The following NAAA variants were observed in gnomAD, a reference collection of about 807,000 sequenced individuals.
NAAA encodes N-acylethanolamine-hydrolyzing acid amidase.
NAAA carries 39 observed loss-of-function variants against 44.8 expected under a neutral mutation model. The observed-to-expected ratio is 0.87, with a 90% CI of 0.67 to 1.14. NAAA has a LOEUF of 1.14. Ranked by LOEUF, NAAA falls within the 50% of genes most tolerant of loss-of-function variation. NAAA has a pLI of 0.00. For synonymous variants in NAAA, 178 were observed against 191.3 expected (o/e 0.93, Z 0.58); for missense variants, 460 against 467.8 (o/e 0.98, Z 0.15).
At chr4:75,940,210 G>A (rs1394732139) in intron 1 of NAAA, 45 bp from the exon 2 acceptor site, 1 of 1,587,376 alleles carries the variant, frequency 6.3e-7, no homozygotes, top group African/African-American at 1.3e-5. Flanking sequence ...TCAGAGGTCG[G>A]CGGCGTGCGA....
rs1212795310 is a variant in NAAA, at chr4:75,940,955, GGGCTCCAGC to G, written c.-15_-7del. The G allele has an allele frequency of 2.7e-6, 4 of 1,471,250 alleles. No individual in the cohort carries two copies. The Admixed American group carries it at 9.6e-5, about 35-fold the overall frequency. 91.1% of individuals were successfully genotyped at this position (1,471,250 alleles called of 1,614,324 possible). A position where few individuals can be genotyped will look rare whatever the true frequency, so the allele number is the denominator to read the frequency against. On this transcript the variant is annotated 5_prime_UTR_variant, in exon 1 of 11. Transcript: ENST00000286733. The stretch of plus-strand genomic sequence containing the variant: ...TCCCGGTCCGCGGTCCGCATGGCTC[GGGCTCCAGC>G]GGCCGCAACTTGGAGACCTGCAGCC...
intron 3 of NAAA, 66 bp downstream of exon 3, chr4:75,936,043 C>T: frequency 6.3e-7 from 1 of 1,586,554 alleles, no homozygotes; most frequent in Admixed American, 1.7e-5. Context: ...GCAGGCCATC[C>T]AAATGACTGC....
Position 75,940,366 on chromosome 4 carries a change from G to A in NAAA, c.207-201C>T, listed in dbSNP as rs1578096823. The A allele has an allele frequency of 8.4e-6, 5 of 595,220 alleles. No individual in the cohort carries two copies. In the East Asian group the frequency reaches 1.1e-4, roughly 14 times the overall value. 36.9% of individuals were successfully genotyped at this position (595,220 alleles called of 1,614,324 possible). On this transcript the variant is annotated intron_variant, in intron 1 of 10. Transcript: ENST00000286733. ...GGGAAGGGGGCGGGGGGAAGGCGGC[G>A]GGTAAGAAAACTCCGAATGGGGAGG... is the stretch of plus-strand genomic sequence containing the variant.
In NAAA at chr4:75,920,985, C is replaced by T; in HGVS notation, c.805G>A (p.Ala269Thr). 6.2e-7 allele frequency: 1 copy of T among 1,613,178 alleles called. No individual in the cohort carries two copies. Among genetic ancestry groups the T allele is most frequent in the Non-Finnish European group, 8.5e-7 (1 of 1,179,826 alleles). Residue 269 changes from alanine (A) to threonine (T), a missense_variant, in exon 6 of 11, where the codon GCA becomes ACA. Physicochemically the swap from Ala to Thr is moderately conservative, Grantham distance 58. Coordinates refer to ENST00000286733, the MANE Select transcript of NAAA (RefSeq NM_014435.4). The part of the protein sequence containing the change: ...VVITRNRDGP[A>T]DIWPLDPLNG... ...AAAGGATCTAGAGGCCAAATGTCTGCTGGGCCATCTCTGTTCCTCGTGATG... is the reference window on the plus strand; with the variant it reads ...AAAGGATCTAGAGGCCAAATGTCTGTTGGGCCATCTCTGTTCCTCGTGATG...
chr4:75,919,890 A>C lies in NAAA; in HGVS notation c.969+19T>G, dbSNP rs1205397540. 6.2e-7 allele frequency: 1 copy of C among 1,601,474 alleles called. No homozygotes were observed. Among genetic ancestry groups the C allele is most frequent in the East Asian group, 2.2e-5 (1 of 44,838 alleles). ...ACACCAAACATCCTAGGTATGCAGG[A>C]CACTGTGACACAAGTTACCTGGAAA... On this transcript the variant is annotated intron_variant, in intron 8 of 10. Coordinates refer to ENST00000286733, the MANE Select transcript of NAAA (RefSeq NM_014435.4).
At chr4:75,931,089 C>G (rs886522825) in intron 4 of NAAA, 125 bp downstream of exon 4, 1 of 685,254 alleles carries the variant, frequency 1.5e-6, no homozygotes, top group Non-Finnish European at 2.5e-6. Context: ...ACTTTCTCCC[C>G]CTAGGATGGA....
chr4:75,927,853 G>T (rs559344670), intron 4 of NAAA, among the ~76,000 whole-genome samples: 3 of 151,802 alleles, frequency 2.0e-5, no homozygotes, highest in Admixed American at 2.0e-4. Flanking sequence ...TATACAAATG[G>T]GCAGTAAGCA....
chr4:75,937,293 C>T (rs1227450557), intron 2 of NAAA, among the ~76,000 whole-genome samples: 1 of 152,266 alleles, frequency 6.6e-6, no homozygotes, highest in African/African-American at 2.4e-5. Context: ...GTGGCGCACA[C>T]CTGTTGTCCC....
chr4:75,917,624 C>T, intron 9 of NAAA: 2 of 247,336 alleles, frequency 8.1e-6, no homozygotes, highest in South Asian at 8.0e-5. Context: ...CACCGTCATG[C>T]CTGGTTGATT....
chr4:75,935,610 T>C (rs1657321788), intron 3 of NAAA: 1 of 155,840 alleles, frequency 6.4e-6, no homozygotes, highest in South Asian at 2.0e-4. Flanking sequence ...CATTTATAAC[T>C]ATCGCAGTAA....
chr4:75,921,128 A>T lies in NAAA; in HGVS notation c.667-5T>A, dbSNP rs747155053. Reference sequence around the variant, plus strand: ...GTTTTCCGACTCACTCAGGGTCTGAACGAAAGGATGAACTTGCGTGAGCAA... The same window carrying T: ...GTTTTCCGACTCACTCAGGGTCTGATCGAAAGGATGAACTTGCGTGAGCAA... On this transcript the variant is annotated splice_region_variant and splice_polypyrimidine_tract_variant and intron_variant, in intron 5 of 10. Coordinates refer to ENST00000286733, the MANE Select transcript of NAAA (RefSeq NM_014435.4). The T allele has an allele frequency of 1.9e-6, 3 of 1,564,864 alleles. No individual in the cohort carries two copies. The highest frequency in any genetic ancestry group is 2.6e-6 in the Non-Finnish European group (3 of 1,161,372).
At chr4:75,925,077 C>T (rs1029099371) in intron 5 of NAAA, among the ~76,000 whole-genome samples, 1 of 152,030 alleles carries the variant, frequency 6.6e-6, no homozygotes, top group South Asian at 2.1e-4. Context: ...ATGCAAGCTC[C>T]GCCTCCCAGG....
At chr4:75,923,825 A>T (rs1397566542) in intron 5 of NAAA, among the ~76,000 whole-genome samples, 1 of 152,096 alleles carries the variant, frequency 6.6e-6, no homozygotes, top group Non-Finnish European at 1.5e-5. Flanking sequence ...GGTGTGAGCC[A>T]CCGCGCCCGG....
chr4:75,910,959 G>C (rs534566036), downstream of NAAA, among the ~76,000 whole-genome samples: 1 of 152,202 alleles, frequency 6.6e-6, no homozygotes, highest in Non-Finnish European at 1.5e-5. Flanking sequence ...TGGGATAGAC[G>C]GTGGAGTTCG....
rs754768626 is a variant in NAAA at position 75,940,741 on chromosome 4, C to A, written c.206+3G>T. 6.3e-7 allele frequency: 1 copy of A among 1,595,034 alleles called. No homozygotes were observed. The highest frequency in any genetic ancestry group is 8.5e-7 in the Non-Finnish European group (1 of 1,177,678). On this transcript the variant is annotated splice_donor_region_variant and intron_variant, in intron 1 of 10. Coordinates refer to ENST00000286733, the MANE Select transcript of NAAA (RefSeq NM_014435.4). ...GCAGACCCCGTCCAGGGCCCCAGCT[C>A]ACCCGATGACTTGCGCCATCGCGGC... is the stretch of plus-strand genomic sequence containing the variant.
At chr4:75,933,131 T>C (rs1173183405) in intron 3 of NAAA, among the ~76,000 whole-genome samples, 656 of 36,984 alleles carry the variant, frequency 0.018, 11 homozygotes, top group African/African-American at 0.064. Flanking sequence ...AGACTCTGTC[T>C]CAAAAAAAAA....
In NAAA at chr4:75,918,794, A is replaced by T; in HGVS notation, c.970-5T>A. Reference sequence around the variant, plus strand: ...AACTGGAACCACCGACAAAATCTGCATAGGAAAAAGTCATTTTATAGAGAA... The same window carrying T: ...AACTGGAACCACCGACAAAATCTGCTTAGGAAAAAGTCATTTTATAGAGAA... On this transcript the variant is annotated splice_polypyrimidine_tract_variant and splice_region_variant and intron_variant, in intron 8 of 10. Coordinates refer to ENST00000286733, the MANE Select transcript of NAAA (RefSeq NM_014435.4). 1.2e-6 allele frequency: 2 copies of T among 1,612,058 alleles called. No individual in the cohort carries two copies. Among genetic ancestry groups the T allele is most frequent in the Non-Finnish European group, 1.7e-6 (2 of 1,178,374 alleles).
At chr4:75,940,195 C>T in intron 1 of NAAA, 30 bp from the exon 2 acceptor site, 1 of 1,603,726 alleles carries the variant, frequency 6.2e-7, no homozygotes, top group Non-Finnish European at 8.5e-7. Flanking sequence ...GGGCGTCTGA[C>T]CCGCTCAGAG....
In NAAA at chr4:75,940,939, G is replaced by A; in HGVS notation, c.11C>T (p.Ala4Val). ...AAGCCCCGGGCGCGCCTCCCGGTCC[G>A]CGGTCCGCATGGCTCGGGCTCCAGC... The part of the protein sequence containing the change: MRT[A>V]DREARPGLPS... The change falls in exon 1 of 11, where the codon GCG becomes GTG. Residue 4 changes from alanine (A) to valine (V), a missense_variant. Ala to Val is a moderately conservative substitution (Grantham distance 64). Transcript: ENST00000286733. 2 of 1,497,420 alleles carry A rather than the reference G, an allele frequency of 1.3e-6. No homozygotes were observed. The highest frequency in any genetic ancestry group is 1.8e-6 in the Non-Finnish European group (2 of 1,132,024). 92.8% of individuals were successfully genotyped at this position (1,497,420 alleles called of 1,614,324 possible). A position where few individuals can be genotyped will look rare whatever the true frequency, so the allele number is the denominator to read the frequency against.
Sources: gnomAD v4.1 joint callset for allele counts (sites outside exome capture counted in the v4.1 genomes callset) on GRCh38, gnomAD v4.1.1 for gene constraint, MANE v1.5 for transcripts, NCBI Gene and HGNC (gene_info 2026-07-23, HGNC 2026-07-21) for gene names.